Variants in SLC13A5 observed in about 807,000 individuals in gnomAD.
The protein encoded by SLC13A5 is solute carrier family 13 member 5.
A neutral mutation model predicts 56.5 loss-of-function variants in SLC13A5; 25 were observed. That is an observed-to-expected ratio of 0.44 (90% CI 0.32 to 0.62). The LOEUF is 0.62. Ranked by LOEUF, SLC13A5 falls within the 20% of genes least tolerant of loss-of-function variation. SLC13A5 has a pLI of 0.04. For missense variants in SLC13A5, 649 were observed against 737.8 expected, an observed-to-expected ratio of 0.88 and a Z score of 1.39; for synonymous variants, 307 against 301.5, an observed-to-expected ratio of 1.02 and a Z score of -0.19.
At position 6,713,349 on chromosome 17, in the gene SLC13A5, C is replaced by G. The variant is rs1349017817; in HGVS notation, c.-16G>C. 6.2e-7 allele frequency: 1 copy of G among 1,611,908 alleles called. No individual in the cohort carries two copies. Among genetic ancestry groups the G allele is most frequent in the Non-Finnish European group, 8.5e-7 (1 of 1,178,892 alleles). ...CCGAGGCCATCGCGCGGGAGGGAGA[C>G]TGGCGGGCGAGACGAGTGAGGGGCA... On this transcript the variant is annotated 5_prime_UTR_variant, in exon 1 of 12. Transcript: ENST00000433363. This position sits in a 1 kb window ranked among gnomAD's most constrained non-coding sequence, Gnocchi z 7.3.
In SLC13A5 at chr17:6,687,638, T is replaced by C; in HGVS notation, c.1466A>G (p.Tyr489Cys). 1 of 1,609,198 alleles carries C rather than the reference T, an allele frequency of 6.2e-7. No homozygotes were observed. The highest frequency in any genetic ancestry group is 8.5e-7 in the Non-Finnish European group (1 of 1,178,244). The change falls in exon 11 of 12, where the codon TAC (tyrosine) becomes TGC (cysteine). Residue 489 changes from tyrosine (Y) to cysteine (C), a missense_variant. Tyr to Cys is a radical substitution (Grantham distance 194). Coordinates refer to ENST00000433363, the MANE Select transcript of SLC13A5 (RefSeq NM_177550.5). The surrounding 1 kb of genome is among the most constrained non-coding windows in gnomAD (Gnocchi z 5.0). ...MSRSIGLNPL[Y>C]IMLPCTLSAS... is the part of the protein sequence containing the mutation. ...ACTCAGGGTACAGGGCAGCATGATG[T>C]ACAGCGGATTGAGGCCGATGGAGCG... is the stretch of plus-strand genomic sequence containing the variant.
At chr17:6,707,874 G>A (rs966096206) in intron 1 of SLC13A5, among the ~76,000 whole-genome samples, 4 of 152,186 alleles carry the variant, frequency 2.6e-5, no homozygotes, top group Non-Finnish European at 4.4e-5. Context: ...TCATGTAACC[G>A]AAAACTACGT....
intron 3 of SLC13A5, among the ~76,000 whole-genome samples, chr17:6,706,263 G>C (rs1235109223): frequency 2.0e-5 from 3 of 152,124 alleles, no homozygotes; most frequent in Non-Finnish European, 2.9e-5. Context: ...TTCCCCATGA[G>C]CTGGGTAGTT....
At position 6,703,926 on chromosome 17, in the gene SLC13A5, C is replaced by G. The variant is rs373010067; in HGVS notation, c.499G>C (p.Glu167Gln). Residue 167 changes from glutamate to glutamine, a missense_variant, in exon 4 of 12, where the codon GAG (glutamate) becomes CAG (glutamine). Coordinates refer to ENST00000433363, the MANE Select transcript of SLC13A5 (RefSeq NM_177550.5). The stretch of plus-strand genomic sequence containing the variant: ...TTGTCCACCAGCTCCAGGCCGGCCT[C>G]GGTGGCTGCGCTTGTGGCTTCCATC... The part of the protein sequence containing the change: ...QQMEATSAAT[E>Q]AGLELVDKGK... The G allele has an allele frequency of 6.3e-7, 1 of 1,597,490 alleles. No individual in the cohort carries two copies. The highest frequency in any genetic ancestry group is 1.1e-5 in the South Asian group (1 of 89,030).
intron 7 of SLC13A5, 71 bp from the exon 8 acceptor site, chr17:6,694,268 G>A: frequency 2.2e-6 from 2 of 895,904 alleles, no homozygotes. Context: ...AACTCCGGCA[G>A]TTCTGTGTCC....
At position 6,695,779 on chromosome 17, in the gene SLC13A5, G is replaced by T. The variant is rs765942920; in HGVS notation, c.1002C>A (p.Asp334Glu). Residue 334 changes from aspartate to glutamate, a missense_variant, in exon 7 of 12, where the codon GAC becomes GAA. Physicochemically the swap from Asp to Glu is conservative, Grantham distance 45 (BLOSUM62 2). Transcript: ENST00000433363. ...FLLVILWFSRDPGFMPGWLTV... is the reference protein window; with the variant it reads ...FLLVILWFSREPGFMPGWLTV... ...TCAGCCAGCCGGGCATGAAGCCGGG[G>T]TCTCGGGAGAACCACAGGATGACCA... 84 of 1,614,044 alleles carry T rather than the reference G, an allele frequency of 5.2e-5. No homozygotes were observed. The highest frequency in any genetic ancestry group is 6.7e-5 in the Non-Finnish European group (79 of 1,180,036).
Position 6,703,875 on chromosome 17 carries a change from C to T in SLC13A5, c.547+3G>A, listed in dbSNP as rs1973787307. 1 of 1,535,376 alleles carries T rather than the reference C, an allele frequency of 6.5e-7. No individual in the cohort carries two copies. Among genetic ancestry groups the T allele is most frequent in the Non-Finnish European group, 8.8e-7 (1 of 1,140,614 alleles). ...CCTGGCAGTGCCCTGGCCAGGGGCT[C>T]ACCTGGCAGCTCCTTGGCCTTGCCC... On this transcript the variant is annotated splice_donor_region_variant and intron_variant, in intron 4 of 11. Coordinates refer to ENST00000433363, the MANE Select transcript of SLC13A5 (RefSeq NM_177550.5).
chr17:6,690,164 T>C (rs1876061613), intron 10 of SLC13A5: 1 of 138,376 alleles, frequency 7.2e-6, no homozygotes, highest in South Asian at 2.5e-4. Flanking sequence ...TGCTAGTCCA[T>C]AGAACAGAAT....
At chr17:6,693,859 C>A (rs898887609) in intron 8 of SLC13A5, among the ~76,000 whole-genome samples, 2 of 152,180 alleles carry the variant, frequency 1.3e-5, no homozygotes, top group African/African-American at 4.8e-5. Flanking sequence ...ATTTTCTGTT[C>A]CTGTTGTAAT....
At chr17:6,700,425 T>C (rs924216865) in intron 6 of SLC13A5, among the ~76,000 whole-genome samples, 1 of 152,234 alleles carries the variant, frequency 6.6e-6, no homozygotes, top group Admixed American at 6.5e-5. Flanking sequence ...TCCCCGTGCA[T>C]TGAGGCACAG....
At chr17:6,700,346 G>A (rs1002569294) in intron 6 of SLC13A5, among the ~76,000 whole-genome samples, 3 of 152,160 alleles carry the variant, frequency 2.0e-5, no homozygotes, top group Admixed American at 6.5e-5. Context: ...GAACACCAGA[G>A]GTATTCAGTA....
At chr17:6,706,589 C>T (rs867204158) in intron 3 of SLC13A5, 53 bp downstream of exon 3, 3 of 1,594,072 alleles carry the variant, frequency 1.9e-6, no homozygotes, top group African/African-American at 2.7e-5. Flanking sequence ...CACCCCCTTC[C>T]AGCCCTGGGG....
intron 6 of SLC13A5, 144 bp from the exon 7 acceptor site, chr17:6,696,085 C>A (rs1405062641): frequency 4.4e-6 from 3 of 686,276 alleles, no homozygotes; most frequent in East Asian, 2.7e-5. Flanking sequence ...GGAGAAAGGC[C>A]CTTCCTGCCT....
At position 6,713,322 on chromosome 17, in the gene SLC13A5, C is replaced by A. The variant is rs760291681; in HGVS notation, c.12G>T (p.Ala4=). The A allele has an allele frequency of 6.2e-7, 1 of 1,613,738 alleles. No individual in the cohort carries two copies. Among genetic ancestry groups the A allele is most frequent in the Non-Finnish European group, 8.5e-7 (1 of 1,179,814 alleles). The stretch of plus-strand genomic sequence containing the variant: ...ACTTGAACTTGGAGACATAGCTCAG[C>A]GCCGAGGCCATCGCGCGGGAGGGAG... The part of the protein sequence containing the change: MAS[A]LSYVSKFKSF... The change falls in exon 1 of 12, where the codon GCG becomes GCT. Residue 4 remains alanine, a synonymous_variant. Transcript: ENST00000433363. This position sits in a 1 kb window ranked among gnomAD's most constrained non-coding sequence, Gnocchi z 7.3.
chr17:6,689,010 T>A (rs1269948501), intron 10 of SLC13A5: 1 of 152,244 alleles, frequency 6.6e-6, no homozygotes, highest in Non-Finnish European at 1.5e-5. Context: ...GAATATATGA[T>A]AATTTATTTC....
chr17:6,697,208 C>G (rs1436045005), intron 6 of SLC13A5, among the ~76,000 whole-genome samples: 1 of 152,140 alleles, frequency 6.6e-6, no homozygotes, highest in African/African-American at 2.4e-5. Flanking sequence ...CTACCAAGCA[C>G]CTCTCTGCTG....
In SLC13A5 at chr17:6,694,115, G is replaced by A. The variant is rs377270604; in HGVS notation, c.1138C>T (p.Arg380Cys). 2.2e-5 allele frequency: 35 copies of A among 1,612,978 alleles called. No individual in the cohort carries two copies. The highest frequency in any genetic ancestry group is 2.0e-4 in the African/African-American group (15 of 74,866). Reference protein sequence around the residue: ...VPSQKPKFNFRSQTEEERKTP... With the variant: ...VPSQKPKFNFCSQTEEERKTP... ...GACTTACCTTCCTCAGTCTGGCTGC[G>A]GAAGTTAAACTTGGGCTTCTGTGAA... is the stretch of plus-strand genomic sequence containing the variant. Residue 380 changes from arginine to cysteine, a missense_variant, in exon 8 of 12, where the codon CGC becomes TGC. Physicochemically the swap from Arg to Cys is radical, Grantham distance 180. Transcript: ENST00000433363.
At chr17:6,704,472 C>T (rs1232499115) in intron 3 of SLC13A5, 1 of 340,118 alleles carries the variant, frequency 2.9e-6, no homozygotes, top group Non-Finnish European at 5.9e-6. Context: ...CAGCTTCCCA[C>T]TTCTGGCTAG....
chr17:6,699,817 G>T (rs1484860644), intron 6 of SLC13A5, among the ~76,000 whole-genome samples: 1 of 152,206 alleles, frequency 6.6e-6, no homozygotes, highest in African/African-American at 2.4e-5. Context: ...TGTTGGCCAG[G>T]CTGGTTACAA....
Sources: allele counts gnomAD v4.1 joint callset (sites outside exome capture counted in the v4.1 genomes callset), GRCh38; gene constraint gnomAD v4.1.1; non-coding constraint Gnocchi (gnomAD v3.1); transcripts MANE v1.5; gene names NCBI Gene and HGNC (gene_info 2026-07-23, HGNC 2026-07-21).